WDTC1: variants seen among roughly 807,000 people sequenced by gnomAD.
WDTC1 encodes WD and tetratricopeptide repeats 1.
Under a neutral mutation model 76.0 loss-of-function variants are expected in WDTC1, and 12 were observed. The observed-to-expected ratio is 0.16, with a 90% CI of 0.10 to 0.26. The LOEUF (loss-of-function observed/expected upper bound fraction) is 0.26. WDTC1 is among the 10% of genes least tolerant of loss of function. The pLI is 1.00. For synonymous variants in WDTC1, 326 were observed against 350.8 expected (o/e 0.93, Z 0.79); for missense variants, 511 against 908.8 (o/e 0.56, Z 5.63).
chr1:27,242,014 C>T (rs1468229304), intron 1 of WDTC1, among the ~76,000 whole-genome samples: 6 of 151,900 alleles, frequency 3.9e-5, no homozygotes, highest in Non-Finnish European at 8.8e-5. Context: ...GCCTCAGCCT[C>T]CTGAGTAGCT....
At chr1:27,237,861 CA>C (rs11427877) in intron 1 of WDTC1, among the ~76,000 whole-genome samples, 31 of 126,256 alleles carry the variant, frequency 2.5e-4, no homozygotes, top group Admixed American at 5.0e-4. Context: ...AACTCCATCT[CA>C]AAAAAAAAAA....
chr1:27,250,871 T>C (rs939008233), intron 1 of WDTC1, among the ~76,000 whole-genome samples: 4 of 150,470 alleles, frequency 2.7e-5, no homozygotes, highest in African/African-American at 9.8e-5. Flanking sequence ...TTGTTTTTTT[T>C]TTTTTTCTTT....
At position 27,305,333 on chromosome 1, in the gene WDTC1, G is replaced by A. The variant is rs1376023893; in HGVS notation, c.1836+140G>A. 4 of 1,077,002 alleles carry A rather than the reference G, an allele frequency of 3.7e-6. No individual in the cohort carries two copies. The highest frequency in any genetic ancestry group is 3.2e-5 in the African/African-American group (2 of 62,406). 66.7% of individuals were successfully genotyped at this position (1,077,002 alleles called of 1,614,324 possible). The stretch of plus-strand genomic sequence containing the variant: ...AAGCCTTACCCCGGGGCCCAAGGCT[G>A]TGTTCTCAGATTCCAGAAGCTCCAA... On this transcript the variant is annotated intron_variant, in intron 15 of 15. Coordinates refer to ENST00000319394, the MANE Select transcript of WDTC1 (RefSeq NM_001276252.2). This position sits in a 1 kb window ranked among gnomAD's most constrained non-coding sequence, Gnocchi z 4.6.
intron 3 of WDTC1, among the ~76,000 whole-genome samples, chr1:27,281,207 A>C (rs1005940167): frequency 6.6e-6 from 1 of 152,100 alleles, no homozygotes; most frequent in Non-Finnish European, 1.5e-5. Flanking sequence ...CACGCCTGTA[A>C]TCCTAGCACT....
intron 6 of WDTC1, among the ~76,000 whole-genome samples, chr1:27,290,159 G>A (rs904579134): frequency 2.6e-5 from 4 of 152,130 alleles, no homozygotes; most frequent in Admixed American, 6.5e-5. Flanking sequence ...ATGGCTCACT[G>A]CAGCCTTGAC....
At chr1:27,302,032 G>T (rs927180461) in intron 13 of WDTC1, among the ~76,000 whole-genome samples, 1 of 152,208 alleles carries the variant, frequency 6.6e-6, no homozygotes, top group African/African-American at 2.4e-5. Flanking sequence ...CCCTCAGTGT[G>T]CTGGAGAATG....
intron 8 of WDTC1, 44 bp downstream of exon 8, chr1:27,294,160 C>G: frequency 6.3e-7 from 1 of 1,593,754 alleles, no homozygotes; most frequent in Non-Finnish European, 8.6e-7. Context: ...CGGCTAGATG[C>G]TGACTCTTTT....
intron 5 of WDTC1, among the ~76,000 whole-genome samples, chr1:27,284,906 T>C (rs561466533): frequency 1.3e-5 from 2 of 152,254 alleles, no homozygotes; most frequent in Non-Finnish European, 2.9e-5. Flanking sequence ...CACAAGATCA[T>C]GACAAGGGCT....
intron 3 of WDTC1, among the ~76,000 whole-genome samples, chr1:27,264,734 C>T (rs2012605676): frequency 6.6e-6 from 1 of 152,082 alleles, no homozygotes; most frequent in Non-Finnish European, 1.5e-5. Context: ...ACAGGTCTCT[C>T]ACCTTGGCCT....
At chr1:27,292,758 T>A (rs1236904370) in intron 7 of WDTC1, among the ~76,000 whole-genome samples, 1 of 121,488 alleles carries the variant, frequency 8.2e-6, no homozygotes, top group Non-Finnish European at 1.7e-5. Flanking sequence ...ATTGTTTTAC[T>A]TTTTTTTTTT....
Position 27,260,956 on chromosome 1 carries a change from G to C in WDTC1, c.-99G>C. ...AAGTTTGATGATTTTTTTCCCCCAGGTAATTAAATGTGTATTTTGTGGACC... is the reference window on the plus strand; with the variant it reads ...AAGTTTGATGATTTTTTTCCCCCAGCTAATTAAATGTGTATTTTGTGGACC... On this transcript the variant is annotated splice_region_variant and 5_prime_UTR_variant, in exon 2 of 16. Coordinates refer to ENST00000319394, the MANE Select transcript of WDTC1 (RefSeq NM_001276252.2). 1 of 1,329,928 alleles carries C rather than the reference G, an allele frequency of 7.5e-7. No homozygotes were observed. Among genetic ancestry groups the C allele is most frequent in the Non-Finnish European group, 1.1e-6 (1 of 944,068 alleles). 82.4% of individuals were successfully genotyped at this position (1,329,928 alleles called of 1,614,324 possible).
intron 1 of WDTC1, among the ~76,000 whole-genome samples, chr1:27,244,538 A>C (rs1228664988): frequency 2.0e-5 from 3 of 152,058 alleles, no homozygotes; most frequent in African/African-American, 7.2e-5. Context: ...TAGAGACAGG[A>C]TCTTACTCTG....
chr1:27,283,270 G>A, intron 4 of WDTC1, 68 bp from the exon 5 acceptor site: 1 of 1,421,580 alleles, frequency 7.0e-7, no homozygotes. Context: ...TGTAAACTGA[G>A]AACATGGGAT....
chr1:27,299,448 T>C lies in WDTC1; in HGVS notation c.1232+1337T>C, dbSNP rs1050055802. ...AGAAAGACATGGCGTCTGAATGGGC[T>C]TTAAGTGTAGGCAGGCTTAGACAGG... On this transcript the variant is annotated intron_variant, in intron 12 of 15. Coordinates refer to ENST00000319394, the MANE Select transcript of WDTC1 (RefSeq NM_001276252.2). 2.6e-5 allele frequency among the ~76,000 whole-genome samples: 4 copies of C among 152,100 alleles called. No homozygotes were observed. The South Asian group carries it at 8.3e-4, about 32-fold the overall frequency.
At chr1:27,271,176 T>C (rs556701173) in intron 3 of WDTC1, among the ~76,000 whole-genome samples, 1 of 152,150 alleles carries the variant, frequency 6.6e-6, no homozygotes, top group Non-Finnish European at 1.5e-5. Context: ...GAAAGGTGAG[T>C]AACTCTTCTG....
At chr1:27,267,286 C>T (rs1398789055) in intron 3 of WDTC1, among the ~76,000 whole-genome samples, 6 of 150,248 alleles carry the variant, frequency 4.0e-5, no homozygotes, top group African/African-American at 9.8e-5. Context: ...CTCACTCTGT[C>T]GCCTAGGCTG....
Position 27,285,506 on chromosome 1 carries a change from T to A in WDTC1, c.291+2057T>A, listed in dbSNP as rs186554990. Among the ~76,000 whole-genome samples the A allele has an allele frequency of 3.3e-4, 50 of 151,898 alleles. 2 individuals carry two copies. Among genetic ancestry groups the A allele is most frequent in the Middle Eastern group, 6.8e-3 (2 of 294 alleles). On this transcript the variant is annotated intron_variant, in intron 5 of 15. Transcript: ENST00000319394. ...TGGGTAGGGAGGAACTTTTCAATTTTAAAAAAAAGATATTTCAATTTTTTG... is the reference window on the plus strand; with the variant it reads ...TGGGTAGGGAGGAACTTTTCAATTTAAAAAAAAAGATATTTCAATTTTTTG...
intron 4 of WDTC1, among the ~76,000 whole-genome samples, chr1:27,283,017 A>C (rs1038818424): frequency 5.3e-5 from 8 of 151,756 alleles, no homozygotes; most frequent in Non-Finnish European, 1.2e-4. Flanking sequence ...GGGCGCCTGT[A>C]GTCCCAGCTA....
At chr1:27,281,216 C>T (rs1326805185) in intron 3 of WDTC1, among the ~76,000 whole-genome samples, 1 of 152,178 alleles carries the variant, frequency 6.6e-6, no homozygotes, top group African/African-American at 2.4e-5. Flanking sequence ...AATCCTAGCA[C>T]TTTGGGAGGC....
Sources: gnomAD v4.1 joint callset for allele counts (sites outside exome capture counted in the v4.1 genomes callset) on GRCh38, gnomAD v4.1.1 for gene constraint, Gnocchi (gnomAD v3.1) non-coding constraint, MANE v1.5 for transcripts, NCBI Gene and HGNC (gene_info 2026-07-23, HGNC 2026-07-21) for gene names.